Variants in RGPD2 observed in about 807,000 individuals in gnomAD.
RGPD2 encodes the protein RANBP2-like and GRIP domain-containing protein 2.
A neutral mutation model predicts 36.0 loss-of-function variants in RGPD2; 2 were observed. The observed-to-expected ratio is 0.06, with a 90% CI of 0.02 to 0.17. The LOEUF is 0.17. Among genes scored for constraint, RGPD2 ranks in the 10% least tolerant of loss-of-function variants. The pLI is 1.00. For missense variants in RGPD2, 40 were observed against 464.3 expected, an observed-to-expected ratio of 0.09 and a Z score of 8.40; for synonymous variants, 19 against 163.8, an observed-to-expected ratio of 0.12 and a Z score of 6.75.
the RGPD2 span, among the ~76,000 whole-genome samples, chr2:87,866,580 T>C: frequency 1.3e-5 from 2 of 152,282 alleles, no homozygotes; most frequent in African/African-American, 4.8e-5. Context: ...CATTCGTTCA[T>C]AGAGGTGCGA....
intron 1 of RGPD2, 121 bp downstream of exon 1, chr2:87,825,537 C>CCAGGT (rs1686739187): frequency 1.7e-6 from 1 of 588,600 alleles, no homozygotes; most frequent in Non-Finnish European, 2.0e-6. Flanking sequence ...GAGGCCGAGG[C>CCAGGT]CGAGGCCGCC....
At chr2:87,861,461 T>C in the RGPD2 span, among the ~76,000 whole-genome samples, 11 of 152,104 alleles carry the variant, frequency 7.2e-5, no homozygotes, top group Admixed American at 2.6e-4. Flanking sequence ...CCACCAATTT[T>C]GTATTTTACA....
upstream of RGPD2, chr2:87,825,828 G>A (rs892461959): frequency 1.8e-5 from 26 of 1,406,860 alleles, no homozygotes; most frequent in African/African-American, 3.7e-4. Context: ...CACTGACGTA[G>A]CCGGCGGAGG....
chr2:87,864,805 T>C, the RGPD2 span, among the ~76,000 whole-genome samples: 1 of 152,216 alleles, frequency 6.6e-6, no homozygotes, highest in African/African-American at 2.4e-5. Flanking sequence ...AGGTTATTAT[T>C]AATTTTTTAC....
At chr2:87,973,570 C>T in the RGPD2 span, among the ~76,000 whole-genome samples, 11 of 140,922 alleles carry the variant, frequency 7.8e-5, no homozygotes, top group Admixed American at 8.3e-4. Context: ...CCCTGCCTAC[C>T]TAGAATCTGC....
the RGPD2 span, among the ~76,000 whole-genome samples, chr2:87,920,651 A>T: frequency 2.5e-5 from 3 of 118,464 alleles, no homozygotes; most frequent in Admixed American, 8.7e-5. Flanking sequence ...ACGTTTTCTC[A>T]GTCTGGTTCT....
At chr2:87,821,857 TAA>T (rs1290634582) in intron 1 of RGPD2, among the ~76,000 whole-genome samples, 2 of 106,462 alleles carry the variant, frequency 1.9e-5, no homozygotes, top group Non-Finnish European at 3.8e-5. Context: ...AGTAAGACCC[TAA>T]GAGATGCCAC....
At chr2:87,785,377 T>A (rs1167871437) in intron 18 of RGPD2, among the ~76,000 whole-genome samples, 5 of 106,372 alleles carry the variant, frequency 4.7e-5, no homozygotes, top group African/African-American at 1.7e-4. Flanking sequence ...ACATGAAGAA[T>A]AAGAGAATAG....
At chr2:87,860,364 A>T in the RGPD2 span, among the ~76,000 whole-genome samples, 2 of 151,530 alleles carry the variant, frequency 1.3e-5, no homozygotes. Flanking sequence ...AAGGGCACTG[A>T]TCCCATTCAT....
the RGPD2 span, among the ~76,000 whole-genome samples, chr2:87,934,844 C>T: frequency 6.8e-6 from 1 of 147,392 alleles, no homozygotes; most frequent in Non-Finnish European, 1.5e-5. Context: ...GAAGTTAGCA[C>T]ACATACACCC....
At chr2:87,966,597 A>T in the RGPD2 span, among the ~76,000 whole-genome samples, 3 of 152,270 alleles carry the variant, frequency 2.0e-5, no homozygotes, top group Admixed American at 6.5e-5. Context: ...AATAAAATGG[A>T]GAATTTCGAG....
At chr2:87,883,942 A>G in the RGPD2 span, among the ~76,000 whole-genome samples, 7 of 151,014 alleles carry the variant, frequency 4.6e-5, no homozygotes, top group African/African-American at 1.4e-4. Context: ...GTAAGAACAA[A>G]TGGACCTAAC....
chr2:87,853,259 A>C, the RGPD2 span, among the ~76,000 whole-genome samples: 1 of 151,530 alleles, frequency 6.6e-6, no homozygotes, highest in Non-Finnish European at 1.5e-5. Context: ...ATCTTACTCT[A>C]TCACCCAGGC....
the RGPD2 span, among the ~76,000 whole-genome samples, chr2:87,845,909 A>C: frequency 6.6e-6 from 1 of 151,940 alleles, no homozygotes; most frequent in Non-Finnish European, 1.5e-5. Flanking sequence ...TATTGACAGT[A>C]TTATCTTATA....
chr2:87,882,047 G>C, the RGPD2 span, among the ~76,000 whole-genome samples: 3 of 152,126 alleles, frequency 2.0e-5, no homozygotes, highest in Non-Finnish European at 4.4e-5. Context: ...ACAACCAGAT[G>C]ACCATTACAA....
chr2:87,915,556 GTA>G, the RGPD2 span, among the ~76,000 whole-genome samples: 8 of 140,010 alleles, frequency 5.7e-5, no homozygotes, highest in Non-Finnish European at 1.1e-4. Context: ...ATGTGTATGT[GTA>G]TATATATACA....
the RGPD2 span, among the ~76,000 whole-genome samples, chr2:87,878,216 T>C: frequency 1.3e-5 from 2 of 152,278 alleles, no homozygotes; most frequent in Admixed American, 6.5e-5. Flanking sequence ...TGCGACTTTT[T>C]TCATTGCTTT....
At chr2:87,847,660 A>T in the RGPD2 span, among the ~76,000 whole-genome samples, 1 of 151,470 alleles carries the variant, frequency 6.6e-6, no homozygotes, top group Admixed American at 6.6e-5. Flanking sequence ...CATCACGCCC[A>T]GCTAATTTTT....
At chr2:87,965,629 A>G in the RGPD2 span, among the ~76,000 whole-genome samples, 1 of 150,402 alleles carries the variant, frequency 6.6e-6, no homozygotes, top group Admixed American at 6.7e-5. Flanking sequence ...TGAATCAACA[A>G]CATATTTACT....
Sources: gnomAD v4.1 joint callset for allele counts (sites outside exome capture counted in the v4.1 genomes callset) on GRCh38, gnomAD v4.1.1 for gene constraint, MANE v1.5 for transcripts, NCBI Gene and HGNC (gene_info 2026-07-23, HGNC 2026-07-21) for gene names.